The following USP45 variants were observed in gnomAD, a reference collection of about 807,000 sequenced individuals.
USP45 encodes the protein ubiquitin carboxyl-terminal hydrolase 45.
Under a neutral mutation model 95.8 loss-of-function variants are expected in USP45, and 89 were observed. That is an observed-to-expected ratio of 0.93 (90% CI 0.78 to 1.11). The LOEUF (loss-of-function observed/expected upper bound fraction) is 1.11, where lower values mean the gene tolerates loss of function less well. USP45 is among the 50% of genes least tolerant of loss of function. The pLI, the probability that USP45 is intolerant of heterozygous loss-of-function variation, is 0.00. For synonymous variants in USP45, 281 were observed against 316.2 expected (o/e 0.89, Z 1.18); for missense variants, 898 against 942.5 (o/e 0.95, Z 0.62).
intron 13 of USP45, among the ~76,000 whole-genome samples, chr6:99,453,810 A>G (rs938130978): frequency 6.6e-6 from 1 of 152,048 alleles, no homozygotes; most frequent in Non-Finnish European, 1.5e-5. Flanking sequence ...AATACAAAAA[A>G]TTAGCCAGGC....
In USP45 at chr6:99,501,767, C is replaced by T. The variant is rs116243635; in HGVS notation, c.478+1998G>A. ...TATGTATTATTTATTTGTTAGGTAA[C>T]AAAGTATACAATAACAAAATACATA... On this transcript the variant is annotated intron_variant, in intron 5 of 17. Coordinates refer to ENST00000500704, the MANE Select transcript of USP45 (RefSeq NM_001346022.3). 1,791 of 387,102 alleles carry T rather than the reference C, an allele frequency of 4.6e-3. 42 individuals carry two copies. The highest frequency in any genetic ancestry group is 0.036 in the African/African-American group (1,676 of 47,104). 24.0% of individuals were successfully genotyped at this position (387,102 alleles called of 1,614,324 possible). A position where few individuals can be genotyped will look rare whatever the true frequency, so the allele number is the denominator to read the frequency against.
At chr6:99,489,567 T>G (rs952373556) in intron 5 of USP45, among the ~76,000 whole-genome samples, 3 of 152,212 alleles carry the variant, frequency 2.0e-5, no homozygotes, top group African/African-American at 7.2e-5. Flanking sequence ...AGAACCACAC[T>G]GTAATACAAA....
chr6:99,509,624 T>G (rs1313175747), intron 2 of USP45, among the ~76,000 whole-genome samples: 1 of 150,708 alleles, frequency 6.6e-6, no homozygotes, highest in Non-Finnish European at 1.5e-5. Flanking sequence ...TGACATGGTT[T>G]TAATAGGCCA....
At chr6:99,488,165 T>A in intron 7 of USP45, 35 bp downstream of exon 7, 1 of 1,455,920 alleles carries the variant, frequency 6.9e-7, no homozygotes, top group Non-Finnish European at 9.6e-7. Context: ...GTGGCTCATC[T>A]GAAAGCAGCT....
intron 8 of USP45, among the ~76,000 whole-genome samples, chr6:99,480,760 T>C (rs1348207266): frequency 6.6e-6 from 1 of 152,062 alleles, no homozygotes; most frequent in East Asian, 1.9e-4. Context: ...GAAGCTACAG[T>C]AATCAAGACA....
chr6:99,475,317 CTTTTTT>C (rs34747235), intron 9 of USP45, among the ~76,000 whole-genome samples: 2 of 124,776 alleles, frequency 1.6e-5, no homozygotes, highest in African/African-American at 3.0e-5. Context: ...CTTAAGATTC[CTTTTTT>C]TTTTTTTTTT....
Position 99,443,586 on chromosome 6 carries a change from G to A in USP45, c.2052C>T (p.Leu684=), listed in dbSNP as rs777985916. The A allele has an allele frequency of 1.9e-6, 3 of 1,607,896 alleles. No homozygotes were observed. The East Asian group carries it at 6.7e-5, about 36-fold the overall frequency. ...TTACCTGATGAAATCTTTTCAGGTG[G>A]AGAATTAGGACAGCTGGAACAGCAG... ...LISAVPAVLI[L]HLKRFHQAGL... The change falls in exon 15 of 18, where the codon CTC becomes CTT. Residue 684 remains leucine (L), a synonymous_variant. Coordinates refer to ENST00000500704, the MANE Select transcript of USP45 (RefSeq NM_001346022.3).
chr6:99,440,362 T>G (rs748812183), intron 15 of USP45, among the ~76,000 whole-genome samples: 5 of 152,190 alleles, frequency 3.3e-5, no homozygotes, highest in Non-Finnish European at 7.4e-5. Flanking sequence ...ATGCTATATA[T>G]TACATCAATA....
intron 13 of USP45, among the ~76,000 whole-genome samples, chr6:99,459,477 T>A (rs1401932704): frequency 6.6e-6 from 1 of 152,198 alleles, no homozygotes; most frequent in Admixed American, 6.5e-5. Context: ...GTAGAATGAT[T>A]TATATTCCTT....
At chr6:99,470,916 C>T (rs1377229619) in intron 9 of USP45, among the ~76,000 whole-genome samples, 1 of 152,090 alleles carries the variant, frequency 6.6e-6, no homozygotes, top group Non-Finnish European at 1.5e-5. Flanking sequence ...ATTTATCCTA[C>T]AATTTAAACA....
intron 13 of USP45, among the ~76,000 whole-genome samples, chr6:99,463,103 C>A (rs1026854426): frequency 6.6e-6 from 1 of 152,026 alleles, no homozygotes; most frequent in African/African-American, 2.4e-5. Context: ...AGATTGATTT[C>A]TTTCCATTTT....
chr6:99,474,449 T>C (rs1046690048), intron 9 of USP45, among the ~76,000 whole-genome samples: 11 of 152,128 alleles, frequency 7.2e-5, no homozygotes, highest in African/African-American at 2.4e-4. Context: ...CCGCCCACCT[T>C]GGCCTCCCAG....
chr6:99,504,594 A>C (rs1188524670), intron 4 of USP45, among the ~76,000 whole-genome samples: 2 of 152,200 alleles, frequency 1.3e-5, no homozygotes, highest in East Asian at 3.8e-4. Flanking sequence ...TAGAAACAGT[A>C]ACAAATTAGA....
chr6:99,477,749 G>C (rs568547416), intron 8 of USP45, among the ~76,000 whole-genome samples: 1 of 152,262 alleles, frequency 6.6e-6, no homozygotes, highest in East Asian at 1.9e-4. Flanking sequence ...CACCACTCCA[G>C]ACATTCTTGC....
intron 8 of USP45, 116 bp from the exon 9 acceptor site, chr6:99,476,346 C>T (rs776676393): frequency 1.5e-4 from 148 of 980,958 alleles, no homozygotes; most frequent in Non-Finnish European, 2.0e-4. Context: ...CGGCAGCCTA[C>T]GCCTGTAATC....
intron 12 of USP45, 83 bp downstream of exon 12, chr6:99,464,997 T>C (rs570321676): frequency 2.5e-6 from 3 of 1,182,936 alleles, no homozygotes; most frequent in Admixed American, 2.5e-5. Flanking sequence ...CTCTCAGATA[T>C]CTGGTAATAT....
intron 9 of USP45, among the ~76,000 whole-genome samples, chr6:99,469,792 T>C (rs1232081631): frequency 1.3e-5 from 2 of 151,946 alleles, no homozygotes; most frequent in African/African-American, 2.4e-5. Flanking sequence ...TTTTGTTGTT[T>C]GTTTGTTCGT....
At chr6:99,456,858 C>G (rs1318806596) in intron 13 of USP45, among the ~76,000 whole-genome samples, 1 of 152,216 alleles carries the variant, frequency 6.6e-6, no homozygotes, top group African/African-American at 2.4e-5. Context: ...GCTGGCGGAA[C>G]AGAGCCATAT....
chr6:99,508,906 TAACTC>T, intron 2 of USP45, 124 bp from the exon 3 acceptor site: 2 of 743,306 alleles, frequency 2.7e-6, no homozygotes, highest in South Asian at 4.1e-5. Flanking sequence ...ACACACAAAA[TAACTC>T]AAAAGATATA....
Sources: allele counts gnomAD v4.1 joint callset (sites outside exome capture counted in the v4.1 genomes callset), GRCh38; gene constraint gnomAD v4.1.1; transcripts MANE v1.5; gene names NCBI Gene and HGNC (gene_info 2026-07-23, HGNC 2026-07-21).